Variants in GPR158 observed in about 807,000 individuals in gnomAD.
The protein encoded by GPR158 is G protein-coupled receptor 158.
GPR158 carries 30 observed loss-of-function variants against 78.2 expected under a neutral mutation model. That is an observed-to-expected ratio of 0.38 (90% CI 0.29 to 0.52). The LOEUF (loss-of-function observed/expected upper bound fraction) is 0.52. Among genes scored for constraint, GPR158 ranks in the 20% least tolerant of loss-of-function variants. GPR158 has a pLI of 0.83. For missense variants in GPR158, 1,463 were observed against 1,523.5 expected (o/e 0.96, Z 0.66); for synonymous variants, 581 against 591.1 (o/e 0.98, Z 0.25).
At chr10:25,423,128 T>TATAC (rs1554802509) in intron 4 of GPR158, among the ~76,000 whole-genome samples, 80,741 of 140,542 alleles carry the variant, frequency 0.57, 25,104 homozygotes, top group Non-Finnish European at 0.74. Context: ...TACATATATA[T>TATAC]GTATATACAT....
At chr10:25,246,822 C>CCTT (rs1369799235) in intron 2 of GPR158, among the ~76,000 whole-genome samples, 1 of 152,186 alleles carries the variant, frequency 6.6e-6, no homozygotes, top group African/African-American at 2.4e-5. Flanking sequence ...GTGGCACTAA[C>CCTT]AAGCATGAGA....
chr10:25,487,496 G>A (rs1024965714), intron 5 of GPR158, among the ~76,000 whole-genome samples: 1 of 152,174 alleles, frequency 6.6e-6, no homozygotes, highest in Non-Finnish European at 1.5e-5. Flanking sequence ...AGCTAGGAAT[G>A]TGCCTTTGTA....
chr10:25,415,985 G>T, intron 4 of GPR158, among the ~76,000 whole-genome samples: 1 of 152,022 alleles, frequency 6.6e-6, no homozygotes, highest in East Asian at 1.9e-4. Context: ...CTTTAAAAAG[G>T]TGAATATTAA....
intron 1 of GPR158, among the ~76,000 whole-genome samples, chr10:25,219,492 T>C (rs1031046328): frequency 2.6e-5 from 4 of 152,234 alleles, no homozygotes; most frequent in Non-Finnish European, 5.9e-5. Context: ...TATATCTGAA[T>C]GATCAGCGTG....
chr10:25,218,324 T>A (rs902734457), intron 1 of GPR158, among the ~76,000 whole-genome samples: 1 of 152,108 alleles, frequency 6.6e-6, no homozygotes, highest in Non-Finnish European at 1.5e-5. Context: ...AGGTCTGCGG[T>A]GACTTTTTAG....
intron 2 of GPR158, among the ~76,000 whole-genome samples, chr10:25,281,409 C>CAA (rs749627659): frequency 9.2e-4 from 63 of 68,490 alleles, no homozygotes; most frequent in African/African-American, 1.9e-3. Context: ...ACCAAAAATA[C>CAA]AAAAAAAAAA....
chr10:25,332,477 AT>A (rs1855140037), intron 2 of GPR158, among the ~76,000 whole-genome samples: 1 of 152,004 alleles, frequency 6.6e-6, no homozygotes, highest in Admixed American at 6.6e-5. Flanking sequence ...CTAGCTCTTT[AT>A]TTTCTGATAA....
chr10:25,433,547 T>TGTTG lies in GPR158; in HGVS notation c.1335+21074_1335+21075insGTTG, dbSNP rs67750453. Among the ~76,000 whole-genome samples, 10 of 96,460 alleles carry TGTTG rather than the reference T, an allele frequency of 1.0e-4. No homozygotes were observed. The East Asian group carries it at 2.2e-3, about 21-fold the overall frequency. 63.3% of individuals were successfully genotyped at this position (96,460 alleles called of 152,430 possible). A position where few individuals can be genotyped will look rare whatever the true frequency, so the allele number is the denominator to read the frequency against. ...TTAGTTAGGGGTGTGTGTGTGTGTG[T>TGTTG]TGTGTGTGTGTGTGTGTGTGTGTGC... On this transcript the variant is annotated intron_variant, in intron 4 of 10. Transcript: ENST00000376351.
chr10:25,566,603 G>A (rs114359694), intron 6 of GPR158, among the ~76,000 whole-genome samples: 291 of 152,308 alleles, frequency 1.9e-3, no homozygotes, highest in African/African-American at 6.6e-3. Context: ...AACTCATGCA[G>A]CTCACAGAAA....
intron 3 of GPR158, among the ~76,000 whole-genome samples, chr10:25,401,424 A>G (rs1834444860): frequency 6.6e-6 from 1 of 151,986 alleles, no homozygotes; most frequent in South Asian, 2.1e-4. Flanking sequence ...ATTTTTCATT[A>G]GTCTTATTTG....
chr10:25,419,366 A>G (rs1227557113), intron 4 of GPR158, among the ~76,000 whole-genome samples: 3 of 152,168 alleles, frequency 2.0e-5, no homozygotes, highest in African/African-American at 4.8e-5. Flanking sequence ...TATCATATCT[A>G]TATACCACAT....
chr10:25,481,407 G>A (rs541211775), intron 5 of GPR158, among the ~76,000 whole-genome samples: 1 of 152,280 alleles, frequency 6.6e-6, no homozygotes, highest in Admixed American at 6.5e-5. Context: ...ATCAGGAGGT[G>A]ATGTATAAAC....
intron 2 of GPR158, among the ~76,000 whole-genome samples, chr10:25,264,840 T>C (rs1021839926): frequency 1.3e-5 from 2 of 152,198 alleles, no homozygotes; most frequent in African/African-American, 4.8e-5. Flanking sequence ...TCCAGTGCTA[T>C]ATGTGGGGTT....
At chr10:25,208,265 T>G (rs1011031525) in intron 1 of GPR158, among the ~76,000 whole-genome samples, 8 of 152,244 alleles carry the variant, frequency 5.3e-5, no homozygotes, top group African/African-American at 1.9e-4. Context: ...GATTGTTTTT[T>G]CCTGATTTTA....
In GPR158 at chr10:25,221,878, T is replaced by C. The variant is rs116909078; in HGVS notation, c.1008+721T>C. Among the ~76,000 whole-genome samples, 115 of 152,344 alleles carry C rather than the reference T, an allele frequency of 7.5e-4. No individual in the cohort carries two copies. In the East Asian group the frequency reaches 0.019, roughly 25 times the overall value. ...AGTTCTTGATCTTAAATACTTGGGC[T>C]AGTCCAACATTGATTCCATGAGTTT... On this transcript the variant is annotated intron_variant, in intron 2 of 10. Coordinates refer to ENST00000376351, the MANE Select transcript of GPR158 (RefSeq NM_020752.3).
intron 7 of GPR158, among the ~76,000 whole-genome samples, chr10:25,581,563 A>G (rs1837199540): frequency 6.6e-6 from 1 of 151,172 alleles, no homozygotes; most frequent in African/African-American, 2.4e-5. Flanking sequence ...GCATTATTCA[A>G]ATAACTGTGC....
intron 2 of GPR158, among the ~76,000 whole-genome samples, chr10:25,350,061 G>T (rs1311118094): frequency 6.6e-6 from 1 of 151,922 alleles, no homozygotes; most frequent in African/African-American, 2.4e-5. Context: ...ACTATGGAGT[G>T]CTAGGGGGAT....
rs1229954148 is a variant in GPR158 at position 25,571,809 on chromosome 10, G to A, written c.1515-840G>A. ...AGTTCTCAACTCTGGCTATTCATCT[G>A]AGATATATACAGAAAAAACTCTTAG... is the stretch of plus-strand genomic sequence containing the variant. On this transcript the variant is annotated intron_variant, in intron 6 of 10. Coordinates refer to ENST00000376351, the MANE Select transcript of GPR158 (RefSeq NM_020752.3). Among the ~76,000 whole-genome samples the A allele has an allele frequency of 2.0e-5, 3 of 152,104 alleles. No individual in the cohort carries two copies. The East Asian group carries it at 5.8e-4, about 29-fold the overall frequency.
At chr10:25,293,282 C>T (rs1452489808) in intron 2 of GPR158, among the ~76,000 whole-genome samples, 1 of 152,108 alleles carries the variant, frequency 6.6e-6, no homozygotes, top group Non-Finnish European at 1.5e-5. Flanking sequence ...TGGTTACTTA[C>T]TATATGGAGT....
Sources: allele counts gnomAD v4.1 joint callset (sites outside exome capture counted in the v4.1 genomes callset), GRCh38; gene constraint gnomAD v4.1.1; transcripts MANE v1.5; gene names NCBI Gene and HGNC (gene_info 2026-07-23, HGNC 2026-07-21).